TMCC3: variants seen among roughly 807,000 people sequenced by gnomAD.
TMCC3 encodes transmembrane and coiled-coil domain protein 3.
Under a neutral mutation model 40.2 loss-of-function variants are expected in TMCC3, and 28 were observed. The ratio of observed to expected loss-of-function variants is 0.70; its 90% CI spans 0.52 to 0.95. The LOEUF (loss-of-function observed/expected upper bound fraction) is 0.95, where lower values mean the gene tolerates loss of function less well. Among genes scored for constraint, TMCC3 ranks in the 40% least tolerant of loss-of-function variants. TMCC3 has a pLI of 0.00. For synonymous variants in TMCC3, 255 were observed against 248.5 expected, an observed-to-expected ratio of 1.03 and a Z score of -0.25; for missense variants, 554 against 615.2, an observed-to-expected ratio of 0.90 and a Z score of 1.05.
Position 94,619,079 on chromosome 12 carries a change from G to A in TMCC3, c.78+31274C>T, listed in dbSNP as rs60547367. On this transcript the variant is annotated intron_variant, in intron 1 of 3. Transcript: ENST00000261226. The stretch of plus-strand genomic sequence containing the variant: ...AGTCTCAGGGAGAGACTACTGAGAC[G>A]TAATCCTTTCCCTTTAAACATGACT... Among the ~76,000 whole-genome samples the A allele has an allele frequency of 8.5e-3, 1,293 of 152,264 alleles. 18 individuals carry two copies. Among genetic ancestry groups the A allele is most frequent in the African/African-American group, 0.03 (1,228 of 41,540 alleles).
chr12:94,638,275 G>A (rs1358640801), intron 1 of TMCC3, among the ~76,000 whole-genome samples: 1 of 152,152 alleles, frequency 6.6e-6, no homozygotes, highest in African/African-American at 2.4e-5. Flanking sequence ...GCTGAGTCAC[G>A]TGGGACATGC....
chr12:94,596,638 C>T (rs542003598), intron 1 of TMCC3, among the ~76,000 whole-genome samples: 98 of 152,282 alleles, frequency 6.4e-4, no homozygotes, highest in Non-Finnish European at 2.1e-4. Context: ...CATTTGGATG[C>T]CTCCTTGGAG....
chr12:94,598,458 G>A (rs551644456), intron 1 of TMCC3: 67 of 362,098 alleles, frequency 1.9e-4, no homozygotes, highest in African/African-American at 1.4e-3. Flanking sequence ...TTGGTGCCAC[G>A]AGGCAATTAC....
At chr12:94,636,888 G>A (rs2068963779) in intron 1 of TMCC3, among the ~76,000 whole-genome samples, 1 of 152,220 alleles carries the variant, frequency 6.6e-6, no homozygotes. Flanking sequence ...TTGCAGTCCT[G>A]GTTGACACCT....
intron 3 of TMCC3, among the ~76,000 whole-genome samples, chr12:94,574,380 G>A (rs1042302757): frequency 2.9e-5 from 4 of 139,080 alleles, no homozygotes; most frequent in Non-Finnish European, 6.3e-5. Context: ...ACAGTAAGAC[G>A]GTCTCAAAAA....
intron 1 of TMCC3, among the ~76,000 whole-genome samples, chr12:94,634,553 C>G (rs1566335849): frequency 6.6e-6 from 1 of 152,168 alleles, no homozygotes; most frequent in Admixed American, 6.5e-5. Flanking sequence ...ACTTCAAAAA[C>G]TTTCTTGGTA....
rs1230309026 is a variant in TMCC3, at chr12:94,570,062, T to C, written c.*1373A>G. On this transcript the variant is annotated 3_prime_UTR_variant, in exon 4 of 4. Transcript: ENST00000261226. ...GAATGTTTTCAGCTCAGAGGCAGTA[T>C]GGTCGTCCTAATACCTCAGGACTTA... 1 of 152,240 alleles carries C rather than the reference T, an allele frequency of 6.6e-6. No homozygotes were observed. The highest frequency in any genetic ancestry group is 1.5e-5 in the Non-Finnish European group (1 of 68,046). The allele number at this position is 152,240 out of a possible 1,614,324, so 9.4% of individuals were successfully genotyped here. A position where few individuals can be genotyped will look rare whatever the true frequency, so the allele number is the denominator to read the frequency against.
At chr12:94,629,309 C>T (rs1201849310) in intron 1 of TMCC3, among the ~76,000 whole-genome samples, 1 of 152,204 alleles carries the variant, frequency 6.6e-6, no homozygotes, top group Non-Finnish European at 1.5e-5. Flanking sequence ...ACAGCCAACA[C>T]CCAGTCCTCC....
At chr12:94,585,512 C>T (rs915210889) in intron 1 of TMCC3, among the ~76,000 whole-genome samples, 10 of 151,836 alleles carry the variant, frequency 6.6e-5, no homozygotes, top group African/African-American at 1.7e-4. Flanking sequence ...CTGGCTAATA[C>T]GGTGAAACCC....
chr12:94,585,632 G>A (rs2068634078), intron 1 of TMCC3, among the ~76,000 whole-genome samples: 1 of 152,162 alleles, frequency 6.6e-6, no homozygotes, highest in Non-Finnish European at 1.5e-5. Context: ...AGGAGGTGGA[G>A]GTTGCAGTGA....
Position 94,571,506 on chromosome 12 carries a change from G to C in TMCC3, c.1363C>G (p.Leu455Val). The change falls in exon 4 of 4, where the codon CTT becomes GTT. Residue 455 changes from leucine to valine, a missense_variant. Transcript: ENST00000261226. ...CAGTTTTTACAAAATATAGCAAGAAGAGTCACGGCAAAGAAGGTGCCAAGA... is the reference window on the plus strand; with the variant it reads ...CAGTTTTTACAAAATATAGCAAGAACAGTCACGGCAAAGAAGGTGCCAAGA... ...HILGTFFAVTLLAIFCKNWDH... is the reference protein window; with the variant it reads ...HILGTFFAVTVLAIFCKNWDH... The C allele has an allele frequency of 6.2e-7, 1 of 1,614,108 alleles. No homozygotes were observed. The highest frequency in any genetic ancestry group is 1.1e-5 in the South Asian group (1 of 91,082).
At position 94,617,677 on chromosome 12, in the gene TMCC3, G is replaced by A. The variant is rs184124562; in HGVS notation, c.78+32676C>T. ...GAAAAACTAAGGCCAGACTGTTCTG[G>A]GGGACCAGGGGTTTCCTGCTTTTGA... On this transcript the variant is annotated intron_variant, in intron 1 of 3. Coordinates refer to ENST00000261226, the MANE Select transcript of TMCC3 (RefSeq NM_020698.4). Among the ~76,000 whole-genome samples, 3 of 152,286 alleles carry A rather than the reference G, an allele frequency of 2.0e-5. No homozygotes were observed. The East Asian group carries it at 5.8e-4, about 29-fold the overall frequency.
In TMCC3 at chr12:94,575,310, GTATT is replaced by G. The variant is rs1382632517; in HGVS notation, c.1131+3080_1131+3083del. Reference sequence around the variant, plus strand: ...CCGGATGTAATAAAAAGAATGGACAGTATTTATTTTTTGACTGTTTACTATGTGC... The same window carrying G: ...CCGGATGTAATAAAAAGAATGGACAGTATTTTTTGACTGTTTACTATGTGC... On this transcript the variant is annotated intron_variant, in intron 3 of 3. Transcript: ENST00000261226. 1.1e-4 allele frequency among the ~76,000 whole-genome samples: 16 copies of G among 152,264 alleles called. No individual in the cohort carries two copies. The East Asian group carries it at 3.1e-3, about 29-fold the overall frequency.
At chr12:94,609,846 G>A (rs2068804883) in intron 1 of TMCC3, 2 of 152,146 alleles carry the variant, frequency 1.3e-5, no homozygotes, top group African/African-American at 2.4e-5. Context: ...CAGAAATCAC[G>A]TGTAGACAGT....
intron 1 of TMCC3, among the ~76,000 whole-genome samples, chr12:94,632,352 G>A (rs563192500): frequency 6.6e-6 from 1 of 152,288 alleles, no homozygotes; most frequent in South Asian, 2.1e-4. Flanking sequence ...AACAAGAATA[G>A]AGATGTAAAA....
At chr12:94,625,942 G>A (rs567436253) in intron 1 of TMCC3, among the ~76,000 whole-genome samples, 180 of 152,254 alleles carry the variant, frequency 1.2e-3, no homozygotes, top group African/African-American at 4.1e-3. Flanking sequence ...TGCTGTATTA[G>A]TCTGTTCTCA....
chr12:94,628,355 G>C (rs568781535), intron 1 of TMCC3, among the ~76,000 whole-genome samples: 1 of 152,188 alleles, frequency 6.6e-6, no homozygotes, highest in East Asian at 1.9e-4. Context: ...GGAGGCTTGG[G>C]GGCATCTCTG....
chr12:94,625,508 G>T lies in TMCC3; in HGVS notation c.78+24845C>A, dbSNP rs183447767. On this transcript the variant is annotated intron_variant, in intron 1 of 3. Coordinates refer to ENST00000261226, the MANE Select transcript of TMCC3 (RefSeq NM_020698.4). Reference sequence around the variant, plus strand: ...ACTCAGGAGGCTGAGGCAGGAGAACGGCTTGAATCTGGGAGATGGAGGTTG... The same window carrying T: ...ACTCAGGAGGCTGAGGCAGGAGAACTGCTTGAATCTGGGAGATGGAGGTTG... Among the ~76,000 whole-genome samples the T allele has an allele frequency of 3.0e-3, 449 of 151,506 alleles. 7 individuals are homozygous for T. Among genetic ancestry groups the T allele is most frequent in the African/African-American group, 0.01 (424 of 41,226 alleles).
intron 1 of TMCC3, among the ~76,000 whole-genome samples, chr12:94,605,377 T>C (rs2068776880): frequency 1.3e-5 from 2 of 152,250 alleles, no homozygotes; most frequent in Non-Finnish European, 2.9e-5. Context: ...ATTTTGGATT[T>C]AGTTCAGGTC....
Sources: allele counts gnomAD v4.1 joint callset (sites outside exome capture counted in the v4.1 genomes callset), GRCh38; gene constraint gnomAD v4.1.1; transcripts MANE v1.5; gene names NCBI Gene and HGNC (gene_info 2026-07-23, HGNC 2026-07-21).